The following SPMIP7 variants were observed in gnomAD, a reference collection of about 807,000 sequenced individuals.
SPMIP7 encodes the protein protein SPMIP7.
At chr7:50,154,691 A>G in the SPMIP7 span, among the ~76,000 whole-genome samples, 1 of 152,358 alleles carries the variant, frequency 6.6e-6, no homozygotes, top group South Asian at 2.1e-4. Flanking sequence ...GAATGCAGAT[A>G]TCTTTATGAG....
the SPMIP7 span, among the ~76,000 whole-genome samples, chr7:50,102,391 C>A: frequency 6.6e-6 from 1 of 152,270 alleles, no homozygotes; most frequent in African/African-American, 2.4e-5. Flanking sequence ...GGGGAAAAAT[C>A]AACTTCCAAG....
At chr7:50,103,942 A>C in the SPMIP7 span, among the ~76,000 whole-genome samples, 2 of 152,212 alleles carry the variant, frequency 1.3e-5, no homozygotes, top group Non-Finnish European at 2.9e-5. Context: ...TGCTTTTTAT[A>C]ATTTGCTAGT....
At chr7:50,104,123 A>T in the SPMIP7 span, among the ~76,000 whole-genome samples, 1 of 152,198 alleles carries the variant, frequency 6.6e-6, no homozygotes, top group Non-Finnish European at 1.5e-5. Flanking sequence ...CACTATTGTA[A>T]TTCGGCTCAC....
At chr7:50,120,931 T>C in the SPMIP7 span, among the ~76,000 whole-genome samples, 1 of 152,232 alleles carries the variant, frequency 6.6e-6, no homozygotes, top group Non-Finnish European at 1.5e-5. Flanking sequence ...GAATTGTTTG[T>C]TCTGATGAGT....
At chr7:50,143,531 G>A in the SPMIP7 span, among the ~76,000 whole-genome samples, 1 of 152,106 alleles carries the variant, frequency 6.6e-6, no homozygotes, top group South Asian at 2.1e-4. Flanking sequence ...TTCAGCATTG[G>A]AATCACCAAT....
At chr7:50,145,861 G>A in the SPMIP7 span, among the ~76,000 whole-genome samples, 2 of 151,140 alleles carry the variant, frequency 1.3e-5, no homozygotes, top group Non-Finnish European at 2.9e-5. Context: ...TGCCTATGAG[G>A]TACCATCCTC....
the SPMIP7 span, among the ~76,000 whole-genome samples, chr7:50,129,431 CTAAG>C: frequency 6.6e-6 from 1 of 151,930 alleles, no homozygotes; most frequent in Admixed American, 6.6e-5. Context: ...TGTGCTAAAA[CTAAG>C]TATTTGCTGA....
the SPMIP7 span, chr7:50,140,194 T>G: frequency 2.0e-6 from 3 of 1,469,004 alleles, no homozygotes; most frequent in East Asian, 7.8e-5. Context: ...AAGTAATGTT[T>G]CTCAGTCTTG....
chr7:50,158,446 G>T, the SPMIP7 span, among the ~76,000 whole-genome samples: 1 of 146,612 alleles, frequency 6.8e-6, no homozygotes, highest in African/African-American at 2.6e-5. Context: ...TGAGGCCCGG[G>T]CCCCTCCCAC....
At chr7:50,147,068 A>G in the SPMIP7 span, among the ~76,000 whole-genome samples, 1 of 152,230 alleles carries the variant, frequency 6.6e-6, no homozygotes, top group Non-Finnish European at 1.5e-5. Flanking sequence ...TGTCGCATCC[A>G]TGGTCTTTGT....
chr7:50,125,247 TACACATATATATACAC>T, the SPMIP7 span, among the ~76,000 whole-genome samples: 1 of 58,004 alleles, frequency 1.7e-5, no homozygotes, highest in African/African-American at 7.8e-5. Flanking sequence ...TACACATATA[TACACATATATATACAC>T]ACATATATAT....
chr7:50,155,064 A>T, the SPMIP7 span, among the ~76,000 whole-genome samples: 2 of 152,160 alleles, frequency 1.3e-5, no homozygotes, highest in Non-Finnish European at 2.9e-5. Flanking sequence ...GAGTTGTATG[A>T]GTTCTTTATA....
the SPMIP7 span, chr7:50,096,085 C>T: frequency 3.4e-6 from 5 of 1,464,922 alleles, no homozygotes; most frequent in South Asian, 5.9e-5. Context: ...AGAAAAAGGC[C>T]ATGGATGTAG....
At chr7:50,112,436 C>T in the SPMIP7 span, among the ~76,000 whole-genome samples, 2 of 151,826 alleles carry the variant, frequency 1.3e-5, no homozygotes, top group African/African-American at 4.8e-5. Context: ...CTGACCTCAC[C>T]CACTAGATGC....
the SPMIP7 span, chr7:50,120,201 T>A: frequency 6.6e-6 from 1 of 152,204 alleles, no homozygotes; most frequent in Non-Finnish European, 1.5e-5. Flanking sequence ...CCAAAATTCA[T>A]ACTAACCTTA....
At chr7:50,101,617 G>C in the SPMIP7 span, among the ~76,000 whole-genome samples, 1 of 152,178 alleles carries the variant, frequency 6.6e-6, no homozygotes, top group Non-Finnish European at 1.5e-5. Context: ...TCATCGTCCA[G>C]AGTCCTTTCT....
chr7:50,115,098 T>C, the SPMIP7 span, among the ~76,000 whole-genome samples: 5 of 150,682 alleles, frequency 3.3e-5, no homozygotes, highest in African/African-American at 1.2e-4. Flanking sequence ...GAAATATAAA[T>C]AGAAGTTTAA....
the SPMIP7 span, chr7:50,096,031 T>C: frequency 1.2e-5 from 14 of 1,181,500 alleles, no homozygotes; most frequent in Non-Finnish European, 1.6e-5. Context: ...TAGTTAAATA[T>C]AAAGGAATTA....
chr7:50,137,924 G>A, the SPMIP7 span, among the ~76,000 whole-genome samples: 1 of 152,078 alleles, frequency 6.6e-6, no homozygotes, highest in Non-Finnish European at 1.5e-5. Flanking sequence ...ATGAATCAAA[G>A]TATCCCCTTC....
Sources: allele counts gnomAD v4.1 joint callset (sites outside exome capture counted in the v4.1 genomes callset), GRCh38; gene constraint gnomAD v4.1.1; transcripts MANE v1.5; gene names NCBI Gene and HGNC (gene_info 2026-07-23, HGNC 2026-07-21).